CHST3: variants seen among roughly 807,000 people sequenced by gnomAD.
CHST3 encodes the protein C6ST-1.
In CHST3, 20 loss-of-function variants were observed where a neutral mutation model predicts 35.4. The ratio of observed to expected loss-of-function variants is 0.57; its 90% CI spans 0.40 to 0.82. The LOEUF (loss-of-function observed/expected upper bound fraction) is 0.82. Ranked by LOEUF, CHST3 falls within the 40% of genes least tolerant of loss-of-function variation. CHST3 has a pLI of 0.00. For missense variants in CHST3, 693 were observed against 670.1 expected, an observed-to-expected ratio of 1.03 and a Z score of -0.38; for synonymous variants, 334 against 295.9, an observed-to-expected ratio of 1.13 and a Z score of -1.32.
chr10:71,998,168 A>G (rs1839958930), intron 1 of CHST3, among the ~76,000 whole-genome samples: 1 of 152,218 alleles, frequency 6.6e-6, no homozygotes, highest in Non-Finnish European at 1.5e-5. Context: ...AAAGGGCATA[A>G]GGTGAAAAGA....
intron 1 of CHST3, among the ~76,000 whole-genome samples, chr10:72,000,992 G>A (rs1256182758): frequency 2.6e-5 from 4 of 152,128 alleles, no homozygotes; most frequent in African/African-American, 7.2e-5. Context: ...GCCGTCGGGA[G>A]CATTATTCGG....
chr10:71,979,542 G>C (rs952844492), intron 1 of CHST3, among the ~76,000 whole-genome samples: 7 of 152,048 alleles, frequency 4.6e-5, no homozygotes, highest in African/African-American at 1.7e-4. Flanking sequence ...AGGCACAGAT[G>C]GGGGAGGGGT....
chr10:71,991,396 G>A (rs775639322), intron 1 of CHST3, among the ~76,000 whole-genome samples: 1 of 152,124 alleles, frequency 6.6e-6, no homozygotes, highest in African/African-American at 2.4e-5. Flanking sequence ...GTTGCCCTCC[G>A]CCTTTTTCTG....
At chr10:72,005,558 C>G (rs1840030050) in intron 1 of CHST3, among the ~76,000 whole-genome samples, 178 bp from the exon 2 acceptor site, 1 of 152,172 alleles carries the variant, frequency 6.6e-6, no homozygotes, top group Admixed American at 6.5e-5. Flanking sequence ...GGTTCATTAG[C>G]ATTTTAAATG....
rs749924021 is a variant in CHST3, at chr10:72,007,837, A to T, written c.806A>T (p.His269Leu). Residue 269 changes from histidine to leucine, a missense_variant, in exon 3 of 3, where the codon CAC becomes CTC. Transcript: ENST00000373115. ...LAAEACRRKE[H>L]MALKAVRIRQ... ...GCAGAGGCCTGCCGCCGCAAGGAGC[A>T]CATGGCCCTCAAGGCGGTGCGCATC... 1.9e-5 allele frequency: 30 copies of T among 1,605,504 alleles called. No individual in the cohort carries two copies. In the South Asian group the frequency reaches 3.3e-4, roughly 18 times the overall value.
chr10:71,965,560 A>G (rs924957894), intron 1 of CHST3, among the ~76,000 whole-genome samples: 4 of 152,228 alleles, frequency 2.6e-5, no homozygotes, highest in African/African-American at 9.6e-5. Flanking sequence ...AAACCAAGGC[A>G]GGCCTGACGC....
At chr10:71,995,320 G>T (rs748435017) in intron 1 of CHST3, among the ~76,000 whole-genome samples, 2 of 152,008 alleles carry the variant, frequency 1.3e-5, no homozygotes, top group Non-Finnish European at 2.9e-5. Flanking sequence ...AGTTACTTGG[G>T]AGGTTGAGGC....
At chr10:71,970,263 C>T (rs1000715890) in intron 1 of CHST3, among the ~76,000 whole-genome samples, 1 of 152,194 alleles carries the variant, frequency 6.6e-6, no homozygotes, top group Non-Finnish European at 1.5e-5. Context: ...CCCCCCACCA[C>T]CTCCTCACAA....
chr10:72,007,636 T>G lies in CHST3; in HGVS notation c.605T>G (p.Val202Gly). 3.7e-6 allele frequency: 6 copies of G among 1,610,190 alleles called. No individual in the cohort carries two copies. Among genetic ancestry groups the G allele is most frequent in the Non-Finnish European group, 5.1e-6 (6 of 1,179,572 alleles). Residue 202 changes from valine (V) to glycine (G), a missense_variant, in exon 3 of 3, where the codon GTG becomes GGG. Val to Gly is a moderately radical substitution (Grantham distance 109, BLOSUM62 -3). Transcript: ENST00000373115. ...LKQLFLCDLY[V>G]LEHFITPLPE... is the part of the protein sequence containing the mutation. ...CAGCTCTTCCTGTGCGACCTGTACG[T>G]GCTGGAGCACTTCATCACGCCGCTG...
chr10:71,993,079 T>C (rs1178458588), intron 1 of CHST3, among the ~76,000 whole-genome samples: 1 of 152,238 alleles, frequency 6.6e-6, no homozygotes, highest in Non-Finnish European at 1.5e-5. Context: ...TATGAGATTT[T>C]CTTTGCGTTT....
At chr10:72,006,918 C>T (rs985552324) in intron 2 of CHST3, among the ~76,000 whole-genome samples, 14 of 152,194 alleles carry the variant, frequency 9.2e-5, no homozygotes, top group East Asian at 5.8e-4. Flanking sequence ...ACTAAGCCTC[C>T]GATGCCCACA....
At position 72,007,289 on chromosome 10, in the gene CHST3, C is replaced by T; in HGVS notation, c.258C>T (p.Ala86=). 2 of 1,613,904 alleles carry T rather than the reference C, an allele frequency of 1.2e-6. No homozygotes were observed. The highest frequency in any genetic ancestry group is 8.5e-7 in the Non-Finnish European group (1 of 1,179,938). Residue 86 remains alanine, a synonymous_variant, in exon 3 of 3, where the codon GCC becomes GCT. Coordinates refer to ENST00000373115, the MANE Select transcript of CHST3 (RefSeq NM_004273.5). Reference sequence around the variant, plus strand: ...TGTCCCTGAGCGAGCTCGATTCAGCCTTCTCCCAGCTTCAGAGCCGTCTCC... The same window carrying T: ...TGTCCCTGAGCGAGCTCGATTCAGCTTTCTCCCAGCTTCAGAGCCGTCTCC... The part of the protein sequence containing the change: ...SLLSLSELDS[A]FSQLQSRLRN...
intron 1 of CHST3, among the ~76,000 whole-genome samples, chr10:71,975,247 G>A (rs1049951453): frequency 3.3e-5 from 5 of 152,102 alleles, no homozygotes; most frequent in African/African-American, 1.2e-4. Flanking sequence ...ATCTGATTGC[G>A]CGAGGTAGTC....
chr10:71,989,452 GA>G (rs999340536), intron 1 of CHST3, among the ~76,000 whole-genome samples: 28 of 147,406 alleles, frequency 1.9e-4, no homozygotes, highest in Admixed American at 6.1e-4. Flanking sequence ...TCCTCAAAAA[GA>G]AAAAAAAAAG....
At position 72,002,182 on chromosome 10, in the gene CHST3, T is replaced by C. The variant is rs78003280; in HGVS notation, c.-107-3554T>C. On this transcript the variant is annotated intron_variant, in intron 1 of 2. Coordinates refer to ENST00000373115, the MANE Select transcript of CHST3 (RefSeq NM_004273.5). ...AGGGCAAGGGAGCCAACAGCCTGCCTGGGTTTCCTGTCCAAGTGTCCAGCT... is the reference window on the plus strand; with the variant it reads ...AGGGCAAGGGAGCCAACAGCCTGCCCGGGTTTCCTGTCCAAGTGTCCAGCT... Among the ~76,000 whole-genome samples, 487 of 152,340 alleles carry C rather than the reference T, an allele frequency of 3.2e-3. 1 individual carries two copies. Among genetic ancestry groups the C allele is most frequent in the Admixed American group, 6.2e-3 (95 of 15,298 alleles).
intron 1 of CHST3, among the ~76,000 whole-genome samples, chr10:71,997,100 G>A (rs1362051183): frequency 6.6e-6 from 1 of 152,086 alleles, no homozygotes; most frequent in Non-Finnish European, 1.5e-5. Flanking sequence ...CAAGTGTACA[G>A]TTCAGTGGCA....
At chr10:71,998,158 A>G (rs1048899451) in intron 1 of CHST3, among the ~76,000 whole-genome samples, 2 of 152,196 alleles carry the variant, frequency 1.3e-5, no homozygotes, top group Admixed American at 1.3e-4. Flanking sequence ...TAAATAAATC[A>G]AAGGGCATAA....
rs1840058985 is a variant in CHST3 at position 72,007,780 on chromosome 10, G to A, written c.749G>A (p.Arg250His). Residue 250 changes from arginine to histidine, a missense_variant, in exon 3 of 3, where the codon CGC becomes CAC. Arg to His is a conservative substitution (Grantham distance 29, BLOSUM62 0). Coordinates refer to ENST00000373115, the MANE Select transcript of CHST3 (RefSeq NM_004273.5). Reference protein sequence around the residue: ...KVFEKYHCKNRRCGPLNVTLA... With the variant: ...KVFEKYHCKNHRCGPLNVTLA... The stretch of plus-strand genomic sequence containing the variant: ...TTCGAGAAGTACCACTGCAAGAACC[G>A]CCGCTGCGGCCCCCTCAACGTGACG... 6.2e-7 allele frequency: 1 copy of A among 1,601,084 alleles called. No individual in the cohort carries two copies. Among genetic ancestry groups the A allele is most frequent in the African/African-American group, 1.3e-5 (1 of 75,026 alleles).
chr10:71,965,940 G>A (rs1839628454), intron 1 of CHST3, among the ~76,000 whole-genome samples: 1 of 152,166 alleles, frequency 6.6e-6, no homozygotes, highest in African/African-American at 2.4e-5. Context: ...CTCTAAGAGG[G>A]CAGCAGGAAA....
Sources: gnomAD v4.1 joint callset for allele counts (sites outside exome capture counted in the v4.1 genomes callset) on GRCh38, gnomAD v4.1.1 for gene constraint, MANE v1.5 for transcripts, NCBI Gene and HGNC (gene_info 2026-07-23, HGNC 2026-07-21) for gene names.